MIPOL1: variants seen among roughly 807,000 people sequenced by gnomAD.
The protein encoded by MIPOL1 is mirror-image polydactyly 1.
A neutral mutation model predicts 60.9 loss-of-function variants in MIPOL1; 57 were observed. That is an observed-to-expected ratio of 0.94 (90% confidence interval 0.76 to 1.17). The LOEUF (loss-of-function observed/expected upper bound fraction) is 1.17, where lower values mean the gene tolerates loss of function less well. Among genes scored for constraint, MIPOL1 ranks in the 50% most tolerant of loss-of-function variants. The probability of loss-of-function intolerance (pLI) is 0.00; values close to 1 mark genes in which losing one functional copy is unlikely to be tolerated. For missense variants in MIPOL1, 551 were observed against 511.6 expected, an observed-to-expected ratio of 1.08 and a Z score of -0.74; for synonymous variants, 179 against 168.8, an observed-to-expected ratio of 1.06 and a Z score of -0.47.
At chr14:37,336,885 C>G (rs1393990935) in intron 9 of MIPOL1, among the ~76,000 whole-genome samples, 1 of 151,930 alleles carries the variant, frequency 6.6e-6, no homozygotes, top group Non-Finnish European at 1.5e-5. Context: ...CTCAGCCTCC[C>G]GAGTAGCTGG....
intron 11 of MIPOL1, among the ~76,000 whole-genome samples, chr14:37,439,775 C>G (rs2094213931): frequency 6.6e-6 from 1 of 152,178 alleles, no homozygotes; most frequent in Non-Finnish European, 1.5e-5. Context: ...TAAGTATCAT[C>G]TAAAAGATGA....
At chr14:37,271,804 A>G (rs537358007) in intron 6 of MIPOL1, among the ~76,000 whole-genome samples, 2 of 151,862 alleles carry the variant, frequency 1.3e-5, no homozygotes, top group Non-Finnish European at 3.0e-5. Context: ...ATGCATTTGC[A>G]TAATGTTAAC....
intron 1 of MIPOL1, among the ~76,000 whole-genome samples, chr14:37,241,494 A>C (rs1214786671): frequency 6.7e-6 from 1 of 150,182 alleles, no homozygotes; most frequent in African/African-American, 2.5e-5. Context: ...GAGGTGGGAG[A>C]ATCGCTTGAG....
chr14:37,483,114 C>CT (rs35311326), intron 11 of MIPOL1, among the ~76,000 whole-genome samples: 91,916 of 140,866 alleles, frequency 0.65, 30,398 homozygotes, highest in East Asian at 0.84. Context: ...TAGACACAAC[C>CT]TTTTTTTTTT....
At chr14:37,209,077 T>G (rs776860420) in intron 1 of MIPOL1, among the ~76,000 whole-genome samples, 2 of 152,240 alleles carry the variant, frequency 1.3e-5, no homozygotes, top group Admixed American at 1.3e-4. Flanking sequence ...TTTATCTACA[T>G]ATCACTAGAT....
At chr14:37,272,143 ATATT>A (rs1359168298) in intron 6 of MIPOL1, among the ~76,000 whole-genome samples, 3 of 151,746 alleles carry the variant, frequency 2.0e-5, no homozygotes, top group South Asian at 2.1e-4. Context: ...GTTTAATAAA[ATATT>A]TATAGCATTC....
intron 1 of MIPOL1, among the ~76,000 whole-genome samples, chr14:37,225,937 C>CA (rs1306860984): frequency 6.6e-6 from 1 of 152,166 alleles, no homozygotes; most frequent in Non-Finnish European, 1.5e-5. Context: ...TCATCTCTCT[C>CA]AAGTTCAAAG....
intron 1 of MIPOL1, among the ~76,000 whole-genome samples, chr14:37,238,929 G>A (rs1971921565): frequency 6.6e-6 from 1 of 151,724 alleles, no homozygotes; most frequent in African/African-American, 2.4e-5. Flanking sequence ...CTGCAGCCTG[G>A]GCAACAGAAT....
At position 37,422,901 on chromosome 14, in the gene MIPOL1, A is replaced by C. The variant is rs781145467; in HGVS notation, c.983A>C (p.Gln328Pro). Residue 328 changes from glutamine to proline, a missense_variant, in exon 11 of 13, where the codon CAG (glutamine) becomes CCG (proline). Coordinates refer to ENST00000684589, the MANE Select transcript of MIPOL1 (RefSeq NM_001388067.1). ...CAAGCCAGAGAAACTGCAGTTCAAC[A>C]GTACAAAAAACTGGAAGAGGAAATC... is the stretch of plus-strand genomic sequence containing the variant. The part of the protein sequence containing the change: ...MQQARETAVQ[Q>P]YKKLEEEIQT... 21 of 1,609,620 alleles carry C rather than the reference A, an allele frequency of 1.3e-5. No homozygotes were observed. Among genetic ancestry groups the C allele is most frequent in the Non-Finnish European group, 1.4e-5 (17 of 1,177,432 alleles).
intron 12 of MIPOL1, among the ~76,000 whole-genome samples, chr14:37,530,996 T>G (rs1332678090): frequency 2.0e-5 from 3 of 152,062 alleles, no homozygotes; most frequent in Non-Finnish European, 4.4e-5. Context: ...TTTTGTATTT[T>G]TAGTAGAGAC....
chr14:37,464,154 G>T (rs887819371), intron 11 of MIPOL1, among the ~76,000 whole-genome samples: 1 of 152,184 alleles, frequency 6.6e-6, no homozygotes, highest in East Asian at 1.9e-4. Flanking sequence ...TACACTTTTC[G>T]TGGGAATGTA....
chr14:37,282,511 G>A (rs1291644994), intron 6 of MIPOL1, among the ~76,000 whole-genome samples: 1 of 151,876 alleles, frequency 6.6e-6, no homozygotes, highest in Non-Finnish European at 1.5e-5. Flanking sequence ...AGGCCAAGGT[G>A]GGAGAATCAC....
chr14:37,432,261 A>G (rs183007719), intron 11 of MIPOL1, among the ~76,000 whole-genome samples: 59 of 152,348 alleles, frequency 3.9e-4, no homozygotes, highest in African/African-American at 1.2e-3. Context: ...CTCTTGCAAT[A>G]CATACCTCAT....
chr14:37,486,613 C>T (rs1199152722), intron 11 of MIPOL1, among the ~76,000 whole-genome samples: 2 of 152,186 alleles, frequency 1.3e-5, no homozygotes, highest in South Asian at 4.2e-4. Flanking sequence ...GGAGTTCACT[C>T]ATGATTTGTC....
intron 11 of MIPOL1, among the ~76,000 whole-genome samples, chr14:37,481,656 C>A (rs1485595381): frequency 2.8e-5 from 4 of 140,994 alleles, no homozygotes; most frequent in African/African-American, 1.1e-4. Flanking sequence ...AAGAACAAAG[C>A]TAGAGGAATC....
chr14:37,484,188 C>T (rs1277029057), intron 11 of MIPOL1, among the ~76,000 whole-genome samples: 1 of 152,074 alleles, frequency 6.6e-6, no homozygotes, highest in Non-Finnish European at 1.5e-5. Context: ...TGTGGGTTTT[C>T]CCCATTTGGA....
chr14:37,431,876 C>G (rs914117332), intron 11 of MIPOL1, among the ~76,000 whole-genome samples: 1 of 151,972 alleles, frequency 6.6e-6, no homozygotes, highest in Non-Finnish European at 1.5e-5. Context: ...TGAGCCACTA[C>G]GCCCGGCCCT....
chr14:37,259,497 G>T (rs1396947856), intron 3 of MIPOL1, among the ~76,000 whole-genome samples: 17 of 152,032 alleles, frequency 1.1e-4, no homozygotes, highest in Admixed American at 5.2e-4. Context: ...AGCCTAGAAG[G>T]TTGAGGCTGT....
chr14:37,223,409 CTCCTA>C (rs1475489492), intron 1 of MIPOL1, among the ~76,000 whole-genome samples: 1 of 151,996 alleles, frequency 6.6e-6, no homozygotes, highest in Non-Finnish European at 1.5e-5. Context: ...GGGTTTGGGT[CTCCTA>C]TCCTGGTTGC....
Sources: gnomAD v4.1 joint callset for allele counts (sites outside exome capture counted in the v4.1 genomes callset) on GRCh38, gnomAD v4.1.1 for gene constraint, MANE v1.5 for transcripts, NCBI Gene and HGNC (gene_info 2026-07-23, HGNC 2026-07-21) for gene names.